The following PARD3 variants were observed in gnomAD, a reference collection of about 807,000 sequenced individuals.
The protein encoded by PARD3 is partitioning defective 3 homolog.
In PARD3, 75 loss-of-function variants were observed where a neutral mutation model predicts 155.4. That is an observed-to-expected ratio of 0.48 (90% CI 0.40 to 0.58). The LOEUF is 0.58. Ranked by LOEUF, PARD3 falls within the 20% of genes least tolerant of loss-of-function variation. The probability of loss-of-function intolerance (pLI) is 0.00; values close to 1 mark genes in which losing one functional copy is unlikely to be tolerated. For missense variants in PARD3, 1,642 were observed against 1,721.7 expected, an observed-to-expected ratio of 0.95 and a Z score of 0.82; for synonymous variants, 576 against 610.5, an observed-to-expected ratio of 0.94 and a Z score of 0.83.
intron 1 of PARD3, among the ~76,000 whole-genome samples, chr10:34,793,818 G>C (rs1841952631): frequency 1.3e-5 from 2 of 151,926 alleles, no homozygotes; most frequent in Admixed American, 1.3e-4. Flanking sequence ...AAACATGAAG[G>C]GTGGATCACT....
intron 22 of PARD3, among the ~76,000 whole-genome samples, chr10:34,191,276 A>G (rs955589918): frequency 6.6e-6 from 1 of 152,048 alleles, no homozygotes; most frequent in Admixed American, 6.6e-5. Flanking sequence ...AAGCCACTAT[A>G]GAGGAAAGTT....
At chr10:34,460,661 G>A (rs1008469583) in intron 4 of PARD3, among the ~76,000 whole-genome samples, 37 of 151,998 alleles carry the variant, frequency 2.4e-4, no homozygotes, top group Admixed American at 1.3e-3. Flanking sequence ...GTGAAACCCC[G>A]TCTCTACTAA....
intron 18 of PARD3, among the ~76,000 whole-genome samples, chr10:34,332,129 C>T (rs913699585): frequency 4.6e-5 from 7 of 152,124 alleles, no homozygotes; most frequent in Admixed American, 3.9e-4. Flanking sequence ...TTAACCAGAA[C>T]ATTTCATGAG....
At chr10:34,703,791 T>C (rs575489916) in intron 1 of PARD3, among the ~76,000 whole-genome samples, 26 of 152,208 alleles carry the variant, frequency 1.7e-4, no homozygotes, top group African/African-American at 6.3e-4. Context: ...GTCACAGCAA[T>C]ACTGGAATCT....
At chr10:34,241,140 G>A (rs780146898) in intron 22 of PARD3, among the ~76,000 whole-genome samples, 3 of 152,166 alleles carry the variant, frequency 2.0e-5, no homozygotes, top group Non-Finnish European at 2.9e-5. Flanking sequence ...GGGACCATGC[G>A]CTTGAGAGGA....
intron 7 of PARD3, among the ~76,000 whole-genome samples, chr10:34,396,313 G>T (rs1176078364): frequency 6.6e-6 from 1 of 152,062 alleles, no homozygotes; most frequent in African/African-American, 2.4e-5. Context: ...TCTCCAGCCT[G>T]TGTGACAGAG....
At chr10:34,179,569 C>T (rs561029846) in intron 22 of PARD3, among the ~76,000 whole-genome samples, 16 of 152,300 alleles carry the variant, frequency 1.1e-4, no homozygotes, top group Non-Finnish European at 2.1e-4. Context: ...AATGTCCCTT[C>T]GCTAAAAAGA....
At chr10:34,148,070 T>C (rs1458355117) in intron 22 of PARD3, among the ~76,000 whole-genome samples, 1 of 152,002 alleles carries the variant, frequency 6.6e-6, no homozygotes, top group Admixed American at 6.6e-5. Context: ...ATGGGACTAA[T>C]GATGTGTTTG....
chr10:34,240,261 A>C (rs1024114063), intron 22 of PARD3, among the ~76,000 whole-genome samples: 1 of 152,234 alleles, frequency 6.6e-6, no homozygotes, highest in African/African-American at 2.4e-5. Context: ...ATTAGGTAAG[A>C]GGGCACATTA....
intron 1 of PARD3, among the ~76,000 whole-genome samples, chr10:34,774,067 A>G (rs949699716): frequency 6.6e-6 from 1 of 152,192 alleles, no homozygotes; most frequent in Non-Finnish European, 1.5e-5. Flanking sequence ...ACTAGAACAA[A>G]CTCAGTGATA....
At position 34,316,687 on chromosome 10, in the gene PARD3, T is replaced by C. The variant is rs1311408550; in HGVS notation, c.3065+420A>G. On this transcript the variant is annotated intron_variant, in intron 20 of 24. Coordinates refer to ENST00000374788, the MANE Select transcript of PARD3 (RefSeq NM_001184785.2). Reference sequence around the variant, plus strand: ...TGTCTCAATGGGGCTTTCACTCTTATGCATAACTAAGATACAGACATGTCC... The same window carrying C: ...TGTCTCAATGGGGCTTTCACTCTTACGCATAACTAAGATACAGACATGTCC... Among the ~76,000 whole-genome samples, 5 of 152,310 alleles carry C rather than the reference T, an allele frequency of 3.3e-5. No individual in the cohort carries two copies. In the East Asian group the frequency reaches 5.8e-4, roughly 18 times the overall value.
At chr10:34,756,150 C>CTTTTTTTT (rs58993670) in intron 1 of PARD3, among the ~76,000 whole-genome samples, 1 of 94,544 alleles carries the variant, frequency 1.1e-5, no homozygotes, top group African/African-American at 4.2e-5. Context: ...AAAAATGCAC[C>CTTTTTTTT]TTTTTTTTTT....
intron 4 of PARD3, 132 bp from the exon 5 acceptor site, chr10:34,450,580 T>G (rs1191005856): frequency 2.4e-6 from 2 of 830,240 alleles, no homozygotes; most frequent in Admixed American, 5.9e-5. Context: ...CTATACAAAA[T>G]AGCTGATTGA....
intron 1 of PARD3, among the ~76,000 whole-genome samples, chr10:34,737,174 GA>G (rs1173192240): frequency 6.6e-6 from 1 of 152,206 alleles, no homozygotes; most frequent in Non-Finnish European, 1.5e-5. Flanking sequence ...CTGGTCCCAA[GA>G]ATACGGGGTG....
At chr10:34,625,046 C>G (rs1419027052) in intron 2 of PARD3, among the ~76,000 whole-genome samples, 1 of 152,206 alleles carries the variant, frequency 6.6e-6, no homozygotes, top group Non-Finnish European at 1.5e-5. Context: ...AACTGCTCAG[C>G]TTCCACAGGG....
At chr10:34,710,088 G>A (rs2094429140) in intron 1 of PARD3, among the ~76,000 whole-genome samples, 1 of 152,098 alleles carries the variant, frequency 6.6e-6, no homozygotes, top group South Asian at 2.1e-4. Flanking sequence ...TTAAAATGTG[G>A]AGGAAGATAC....
At chr10:34,428,768 T>C (rs1024486218) in intron 5 of PARD3, among the ~76,000 whole-genome samples, 2 of 152,172 alleles carry the variant, frequency 1.3e-5, no homozygotes, top group Admixed American at 6.5e-5. Flanking sequence ...GAACTATTTT[T>C]TTCCTACATT....
intron 16 of PARD3, among the ~76,000 whole-genome samples, chr10:34,339,564 A>G (rs1008263259): frequency 4.6e-5 from 7 of 152,200 alleles, no homozygotes; most frequent in African/African-American, 1.7e-4. Context: ...TTATGTTACC[A>G]TTAAGATTAG....
chr10:34,601,437 T>C (rs778443125), intron 2 of PARD3, among the ~76,000 whole-genome samples: 1 of 152,172 alleles, frequency 6.6e-6, no homozygotes, highest in Non-Finnish European at 1.5e-5. Flanking sequence ...TGAGAACCCG[T>C]CGTTCATTCA....
Sources: gnomAD v4.1 joint callset for allele counts (sites outside exome capture counted in the v4.1 genomes callset) on GRCh38, gnomAD v4.1.1 for gene constraint, MANE v1.5 for transcripts, NCBI Gene and HGNC (gene_info 2026-07-23, HGNC 2026-07-21) for gene names.